The following CNTNAP2 variants were observed in gnomAD, a reference collection of about 807,000 sequenced individuals.
CNTNAP2 encodes the protein contactin-associated protein-like 2.
A neutral mutation model predicts 155.2 loss-of-function variants in CNTNAP2; 98 were observed. That is an observed-to-expected ratio of 0.63 (90% CI 0.54 to 0.75). The LOEUF (loss-of-function observed/expected upper bound fraction) is 0.75. CNTNAP2 is among the 30% of genes least tolerant of loss of function. CNTNAP2 has a pLI of 0.00. For missense variants in CNTNAP2, 1,727 were observed against 1,688.1 expected (o/e 1.02, Z -0.40); for synonymous variants, 651 against 631.2 (o/e 1.03, Z -0.47).
At chr7:147,563,391 G>A (rs142432950) in intron 12 of CNTNAP2, among the ~76,000 whole-genome samples, 2 of 152,088 alleles carry the variant, frequency 1.3e-5, no homozygotes, top group Admixed American at 1.3e-4. Flanking sequence ...AGCATCTTGG[G>A]AGACTGAGGT....
chr7:147,579,915 A>G (rs1424471400), intron 12 of CNTNAP2, among the ~76,000 whole-genome samples: 2 of 152,326 alleles, frequency 1.3e-5, no homozygotes, highest in Non-Finnish European at 1.5e-5. Flanking sequence ...CTCCAAAACT[A>G]TTAACTTGTA....
intron 15 of CNTNAP2, among the ~76,000 whole-genome samples, chr7:148,026,745 C>G (rs1802382432): frequency 6.6e-6 from 1 of 152,146 alleles, no homozygotes; most frequent in Admixed American, 6.5e-5. Flanking sequence ...TTCTGCATTC[C>G]AATAAAAGTT....
chr7:148,228,685 C>G (rs1585202205), intron 19 of CNTNAP2, among the ~76,000 whole-genome samples: 1 of 148,062 alleles, frequency 6.8e-6, no homozygotes, highest in Non-Finnish European at 1.5e-5. Context: ...AAAATTAGCC[C>G]AGCGTGGTAG....
chr7:146,928,898 T>A (rs193053898), intron 3 of CNTNAP2, among the ~76,000 whole-genome samples: 2,135 of 152,272 alleles, frequency 0.014, 50 homozygotes, highest in African/African-American at 0.049. Context: ...GCGCCTGCCA[T>A]TGCCCAGGCT....
chr7:146,352,585 A>G (rs183195678), intron 1 of CNTNAP2, among the ~76,000 whole-genome samples: 2 of 152,174 alleles, frequency 1.3e-5, no homozygotes, highest in East Asian at 3.9e-4. Context: ...CATAATCATT[A>G]ATCGGCCCAT....
intron 18 of CNTNAP2, among the ~76,000 whole-genome samples, chr7:148,207,148 T>C (rs566990815): frequency 6.6e-6 from 1 of 152,338 alleles, no homozygotes; most frequent in African/African-American, 2.4e-5. Flanking sequence ...CTAAATTAAA[T>C]GCAAACAAGG....
intron 1 of CNTNAP2, among the ~76,000 whole-genome samples, chr7:146,254,889 A>T (rs1056789473): frequency 2.7e-5 from 4 of 146,042 alleles, no homozygotes; most frequent in African/African-American, 5.6e-5. Flanking sequence ...GGTATCATTT[A>T]AAAAAAATAG....
chr7:148,276,284 A>G (rs1300651116), intron 21 of CNTNAP2, among the ~76,000 whole-genome samples: 1 of 152,232 alleles, frequency 6.6e-6, no homozygotes, highest in Non-Finnish European at 1.5e-5. Flanking sequence ...TAAAACAAGC[A>G]GGAAAGTAGA....
At chr7:146,281,093 CA>C (rs1248258111) in intron 1 of CNTNAP2, among the ~76,000 whole-genome samples, 1 of 152,112 alleles carries the variant, frequency 6.6e-6, no homozygotes, top group Non-Finnish European at 1.5e-5. Context: ...CTACATGGGC[CA>C]AGGCGGGTCA....
intron 1 of CNTNAP2, among the ~76,000 whole-genome samples, chr7:146,354,060 C>T (rs1794961384): frequency 6.6e-6 from 1 of 152,176 alleles, no homozygotes; most frequent in African/African-American, 2.4e-5. Flanking sequence ...TTCTGCTTTA[C>T]ACTCAACGAG....
chr7:147,082,451 G>A (rs1394458972), intron 4 of CNTNAP2: 1 of 152,118 alleles, frequency 6.6e-6, no homozygotes, highest in African/African-American at 2.4e-5. Context: ...CCAACACTTA[G>A]ATGCAAAGGA....
chr7:147,828,194 C>G (rs1484097919), intron 13 of CNTNAP2, among the ~76,000 whole-genome samples: 3 of 152,122 alleles, frequency 2.0e-5, no homozygotes, highest in Non-Finnish European at 4.4e-5. Context: ...GAGCTTTGTT[C>G]ACTGCTACTT....
intron 15 of CNTNAP2, among the ~76,000 whole-genome samples, chr7:148,099,764 G>A (rs1804055887): frequency 6.6e-6 from 1 of 150,552 alleles, no homozygotes; most frequent in Non-Finnish European, 1.5e-5. Flanking sequence ...CAGCACTCTT[G>A]AATTCTTTCA....
intron 1 of CNTNAP2, among the ~76,000 whole-genome samples, chr7:146,542,989 G>A (rs1437981133): frequency 6.6e-6 from 1 of 151,732 alleles, no homozygotes; most frequent in African/African-American, 2.4e-5. Context: ...TTCAAGAAAT[G>A]TATTGTACCA....
At chr7:147,862,009 A>G (rs1799143331) in intron 13 of CNTNAP2, among the ~76,000 whole-genome samples, 1 of 151,328 alleles carries the variant, frequency 6.6e-6, no homozygotes, top group Non-Finnish European at 1.5e-5. Flanking sequence ...CAAAAAAAAA[A>G]AAAAAAAAAA....
chr7:148,215,556 G>A (rs1184198311), intron 18 of CNTNAP2, among the ~76,000 whole-genome samples: 1 of 145,164 alleles, frequency 6.9e-6, no homozygotes, highest in Non-Finnish European at 1.5e-5. Flanking sequence ...TTTTGATTCT[G>A]ACAACTTTCA....
At position 147,987,257 on chromosome 7, in the gene CNTNAP2, A is replaced by G. The variant is rs189464959; in HGVS notation, c.2383+9268A>G. Among the ~76,000 whole-genome samples, 526 of 152,360 alleles carry G rather than the reference A, an allele frequency of 3.5e-3. 3 individuals carry two copies. The highest frequency in any genetic ancestry group is 0.012 in the African/African-American group (497 of 41,576). ...AGAGTGACTTTAAACAATTAGAAGA[A>G]ATGGACAATTCCTGCGAAGGAAATC... On this transcript the variant is annotated intron_variant, in intron 15 of 23. Transcript: ENST00000361727.
At chr7:147,636,386 G>C (rs534923356) in intron 12 of CNTNAP2, among the ~76,000 whole-genome samples, 1 of 152,218 alleles carries the variant, frequency 6.6e-6, no homozygotes, top group East Asian at 1.9e-4. Context: ...ACTTTAAACT[G>C]TTCCTAGATT....
chr7:146,337,434 A>G (rs1337958490), intron 1 of CNTNAP2, among the ~76,000 whole-genome samples: 4 of 152,104 alleles, frequency 2.6e-5, no homozygotes, highest in African/African-American at 9.7e-5. Context: ...TAATTATTTT[A>G]TCTTGGAATG....
Sources: gnomAD v4.1 joint callset for allele counts (sites outside exome capture counted in the v4.1 genomes callset) on GRCh38, gnomAD v4.1.1 for gene constraint, MANE v1.5 for transcripts, NCBI Gene and HGNC (gene_info 2026-07-23, HGNC 2026-07-21) for gene names.